Variants in ASTN1 observed in about 807,000 individuals in gnomAD.
ASTN1 encodes astrotactin 1, also known as astrotactin-1.
In ASTN1, 41 loss-of-function variants were observed where a neutral mutation model predicts 140.7. That is an observed-to-expected ratio of 0.29 (90% CI 0.23 to 0.38). The LOEUF (loss-of-function observed/expected upper bound fraction) is 0.38, where lower values mean the gene tolerates loss of function less well. ASTN1 is among the 10% of genes least tolerant of loss of function. The pLI, the probability that ASTN1 is intolerant of heterozygous loss-of-function variation, is 1.00. For synonymous variants in ASTN1, 640 were observed against 652.2 expected, an observed-to-expected ratio of 0.98 and a Z score of 0.29; for missense variants, 1,479 against 1,678.8, an observed-to-expected ratio of 0.88 and a Z score of 2.08.
At chr1:176,950,369 G>A (rs1672144855) in intron 11 of ASTN1, among the ~76,000 whole-genome samples, 1 of 152,150 alleles carries the variant, frequency 6.6e-6, no homozygotes, top group Non-Finnish European at 1.5e-5. Flanking sequence ...GTTGGCTGTG[G>A]AGTCCGTAAC....
At chr1:176,895,691 A>G (rs536030125) in intron 16 of ASTN1, among the ~76,000 whole-genome samples, 2 of 152,256 alleles carry the variant, frequency 1.3e-5, no homozygotes, top group Admixed American at 1.3e-4. Flanking sequence ...GGTGACAAAC[A>G]TAGGAATTGC....
At chr1:177,122,635 G>A (rs1311256907) in intron 1 of ASTN1, among the ~76,000 whole-genome samples, 1 of 152,170 alleles carries the variant, frequency 6.6e-6, no homozygotes, top group East Asian at 1.9e-4. Flanking sequence ...CAACCTGGCT[G>A]CTCTTGTCAC....
chr1:177,077,373 G>T (rs540223409), intron 1 of ASTN1, among the ~76,000 whole-genome samples: 2 of 152,222 alleles, frequency 1.3e-5, no homozygotes, highest in Admixed American at 1.3e-4. Flanking sequence ...GGTATAGAAG[G>T]AGTATAATTT....
chr1:177,151,438 AAGAGAG>A (rs558182230), intron 1 of ASTN1, among the ~76,000 whole-genome samples: 1 of 151,532 alleles, frequency 6.6e-6, no homozygotes, highest in Non-Finnish European at 1.5e-5. Flanking sequence ...AAAAAAAAAA[AAGAGAG>A]AGAGAAAGAA....
intron 14 of ASTN1, among the ~76,000 whole-genome samples, chr1:176,937,381 T>A (rs1340632982): frequency 6.6e-6 from 1 of 152,196 alleles, no homozygotes; most frequent in Non-Finnish European, 1.5e-5. Context: ...TCGTGTGCTG[T>A]CTCCTTCTTA....
chr1:176,859,803 A>C (rs550187519), downstream of ASTN1, among the ~76,000 whole-genome samples: 13 of 152,340 alleles, frequency 8.5e-5, no homozygotes, highest in African/African-American at 3.1e-4. Context: ...GCAAACAAAC[A>C]AAATCCTTAG....
At chr1:176,935,864 T>C (rs923477078) in intron 15 of ASTN1, among the ~76,000 whole-genome samples, 1 of 152,136 alleles carries the variant, frequency 6.6e-6, no homozygotes, top group South Asian at 2.1e-4. Context: ...CCGTCCCCCC[T>C]CTTTCTTGCT....
At chr1:176,911,318 C>A (rs114596502) in intron 16 of ASTN1, among the ~76,000 whole-genome samples, 1 of 152,042 alleles carries the variant, frequency 6.6e-6, no homozygotes, top group African/African-American at 2.4e-5. Context: ...AAACACTGGA[C>A]ACTTAGGCTA....
chr1:177,145,764 A>G (rs1265630678), intron 1 of ASTN1, among the ~76,000 whole-genome samples: 1 of 152,224 alleles, frequency 6.6e-6, no homozygotes, highest in Non-Finnish European at 1.5e-5. Flanking sequence ...ACAAACTAGT[A>G]TGTTATTCTG....
chr1:176,942,175 T>C (rs1366768321), intron 14 of ASTN1, among the ~76,000 whole-genome samples: 1 of 152,220 alleles, frequency 6.6e-6, no homozygotes, highest in Non-Finnish European at 1.5e-5. Context: ...TAGATCCCAC[T>C]ATGGGTCAGG....
Position 176,949,283 on chromosome 1 carries a change from A to G in ASTN1, c.1956T>C (p.Cys652=), listed in dbSNP as rs1290885633. The part of the protein sequence containing the change: ...GCYDRHIGVD[C]SDGFNGGCEQ... ...CACAGCCGCCGTTGAAGCCGTCGGA[A>G]CAGTCCACCCCGATGTGGCGGTCAT... Residue 652 remains cysteine, a synonymous_variant, in exon 12 of 23, where the codon TGT becomes TGC. Transcript: ENST00000361833. 6.2e-7 allele frequency: 1 copy of G among 1,614,132 alleles called. No homozygotes were observed. The highest frequency in any genetic ancestry group is 2.2e-5 in the East Asian group (1 of 44,858).
downstream of ASTN1, among the ~76,000 whole-genome samples, chr1:176,860,030 C>G (rs1240510627): frequency 6.6e-6 from 1 of 152,032 alleles, no homozygotes; most frequent in Non-Finnish European, 1.5e-5. Flanking sequence ...GACTGTGGAC[C>G]AGAGTGCTGC....
intron 17 of ASTN1, among the ~76,000 whole-genome samples, chr1:176,890,900 G>A (rs980555922): frequency 6.6e-6 from 1 of 152,004 alleles, no homozygotes; most frequent in Non-Finnish European, 1.5e-5. Context: ...GGTGGCGGGC[G>A]CCTGTAATCC....
chr1:176,893,021 G>C (rs1412952418), intron 17 of ASTN1, among the ~76,000 whole-genome samples: 1 of 152,194 alleles, frequency 6.6e-6, no homozygotes, highest in Non-Finnish European at 1.5e-5. Context: ...AAGGGAAGGG[G>C]CTGGGGTAGG....
At chr1:176,886,863 A>G (rs1669050722) in intron 18 of ASTN1, among the ~76,000 whole-genome samples, 1 of 151,920 alleles carries the variant, frequency 6.6e-6, no homozygotes, top group Non-Finnish European at 1.5e-5. Flanking sequence ...CCCTGGGGTC[A>G]CTCTCTTCCA....
At chr1:176,914,861 T>C (rs1670415018) in intron 16 of ASTN1, among the ~76,000 whole-genome samples, 1 of 152,196 alleles carries the variant, frequency 6.6e-6, no homozygotes, top group South Asian at 2.1e-4. Context: ...CAGATATGGA[T>C]AGAGGAGGTT....
intron 1 of ASTN1, among the ~76,000 whole-genome samples, chr1:177,155,336 G>A (rs990828874): frequency 4.6e-5 from 7 of 152,176 alleles, no homozygotes; most frequent in Admixed American, 2.0e-4. Flanking sequence ...GGGAACAAAC[G>A]GCCAACTTTA....
chr1:177,134,306 C>T (rs1175772504), intron 1 of ASTN1, among the ~76,000 whole-genome samples: 2 of 152,210 alleles, frequency 1.3e-5, no homozygotes, highest in Non-Finnish European at 2.9e-5. Context: ...ACCTCTCCAC[C>T]ACTCATTATC....
chr1:177,105,522 T>C (rs950601931), intron 1 of ASTN1, among the ~76,000 whole-genome samples: 2 of 152,104 alleles, frequency 1.3e-5, no homozygotes, highest in African/African-American at 4.8e-5. Flanking sequence ...GAGAGCACAA[T>C]TTGGAAATGT....
Sources: gnomAD v4.1 joint callset for allele counts (sites outside exome capture counted in the v4.1 genomes callset) on GRCh38, gnomAD v4.1.1 for gene constraint, MANE v1.5 for transcripts, NCBI Gene and HGNC (gene_info 2026-07-23, HGNC 2026-07-21) for gene names.